The following VAV3 variants were observed in gnomAD, a reference collection of about 807,000 sequenced individuals.
VAV3 encodes the protein guanine nucleotide exchange factor VAV3.
VAV3 carries 94 observed loss-of-function variants against 131.2 expected under a neutral mutation model. That is an observed-to-expected ratio of 0.72 (90% CI 0.61 to 0.85). VAV3 has a LOEUF of 0.85. Among genes scored for constraint, VAV3 ranks in the 40% least tolerant of loss-of-function variants. The pLI, the probability that VAV3 is intolerant of heterozygous loss-of-function variation, is 0.00. For missense variants in VAV3, 939 were observed against 1,002.7 expected, an observed-to-expected ratio of 0.94 and a Z score of 0.86; for synonymous variants, 349 against 342.0, an observed-to-expected ratio of 1.02 and a Z score of -0.22.
intron 19 of VAV3, among the ~76,000 whole-genome samples, chr1:107,675,554 T>G (rs1161290026): frequency 2.6e-5 from 4 of 152,312 alleles, no homozygotes; most frequent in African/African-American, 9.6e-5. Flanking sequence ...AGATCTCTCC[T>G]TCTCTTTCTT....
rs775343339 is a variant in VAV3 at position 107,609,948 on chromosome 1, A to G, written c.1998T>C (p.Asp666=). ...ATACTTACCAGGGTTGGCAAGAATA[A>G]TCTACTGGTTTGGGCACCTAGGATA... ...KPCPCVPKPV[D]YSCQPWYAGA... The change falls in exon 22 of 27, where the codon GAT becomes GAC. Residue 666 remains aspartate, a synonymous_variant. Coordinates refer to ENST00000370056, the MANE Select transcript of VAV3 (RefSeq NM_006113.5). 6.2e-7 allele frequency: 1 copy of G among 1,613,694 alleles called. No homozygotes were observed. Among genetic ancestry groups the G allele is most frequent in the Non-Finnish European group, 8.5e-7 (1 of 1,179,692 alleles).
chr1:107,597,028 T>C (rs114849794), intron 24 of VAV3, among the ~76,000 whole-genome samples: 2,152 of 152,302 alleles, frequency 0.014, 54 homozygotes, highest in African/African-American at 0.049. Context: ...GTTGGTTTCA[T>C]AGATTCTGCA....
chr1:107,796,545 A>G (rs1329629551), intron 2 of VAV3, among the ~76,000 whole-genome samples: 3 of 152,134 alleles, frequency 2.0e-5, no homozygotes, highest in Non-Finnish European at 4.4e-5. Flanking sequence ...TTCCTACTAA[A>G]ATGTATAAAT....
intron 12 of VAV3, 61 bp downstream of exon 12, chr1:107,755,366 A>G (rs1040625916): frequency 3.2e-6 from 4 of 1,239,212 alleles, no homozygotes; most frequent in Non-Finnish European, 3.5e-6. Context: ...TTCAACAACA[A>G]CTCCTAGAAT....
At chr1:107,853,155 T>C (rs1669304144) in intron 2 of VAV3, among the ~76,000 whole-genome samples, 2 of 152,180 alleles carry the variant, frequency 1.3e-5, no homozygotes, top group Admixed American at 1.3e-4. Flanking sequence ...TCCATTTATG[T>C]ATTGATCTAG....
chr1:107,659,323 T>C (rs1656828899), intron 19 of VAV3, among the ~76,000 whole-genome samples: 1 of 152,134 alleles, frequency 6.6e-6, no homozygotes, highest in South Asian at 2.1e-4. Context: ...TTCAAAACTA[T>C]ACATAGGAAA....
chr1:107,876,654 T>C (rs1557896682), intron 1 of VAV3, among the ~76,000 whole-genome samples: 2 of 152,014 alleles, frequency 1.3e-5, no homozygotes. Flanking sequence ...ACTGACTACT[T>C]AAAAAAACAA....
chr1:107,573,436 C>A, intron 26 of VAV3, 64 bp from the exon 27 acceptor site: 1 of 1,596,282 alleles, frequency 6.3e-7, no homozygotes, highest in South Asian at 1.1e-5. Context: ...AAGGATTCTA[C>A]AAACAGAGTA....
chr1:107,944,117 C>T (rs1367790332), intron 1 of VAV3, among the ~76,000 whole-genome samples: 1 of 152,184 alleles, frequency 6.6e-6, no homozygotes, highest in African/African-American at 2.4e-5. Context: ...GAGTGAAAAA[C>T]CCAAGGAGCA....
At chr1:107,690,017 G>A (rs1192105289) in intron 17 of VAV3, among the ~76,000 whole-genome samples, 1 of 152,168 alleles carries the variant, frequency 6.6e-6, no homozygotes, top group Non-Finnish European at 1.5e-5. Context: ...AACAGTGGGA[G>A]CAGTTTAAGT....
At chr1:107,911,956 G>A (rs1335212004) in intron 1 of VAV3, among the ~76,000 whole-genome samples, 1 of 152,204 alleles carries the variant, frequency 6.6e-6, no homozygotes, top group East Asian at 1.9e-4. Context: ...AGATAAAGGT[G>A]TCAAGTGCCA....
chr1:107,726,820 C>T (rs556858488), intron 15 of VAV3, among the ~76,000 whole-genome samples: 11 of 152,276 alleles, frequency 7.2e-5, no homozygotes, highest in Non-Finnish European at 1.5e-4. Context: ...TTGAATTTTA[C>T]TGATGGTTTA....
intron 19 of VAV3, among the ~76,000 whole-genome samples, chr1:107,667,228 G>A (rs898902303): frequency 2.0e-5 from 3 of 152,176 alleles, no homozygotes; most frequent in Admixed American, 2.0e-4. Context: ...CTGTGCTAAT[G>A]TTCCACAATA....
At chr1:107,683,782 T>C (rs1570748366) in intron 18 of VAV3, among the ~76,000 whole-genome samples, 4 of 152,294 alleles carry the variant, frequency 2.6e-5, no homozygotes, top group Admixed American at 2.6e-4. Flanking sequence ...AAAAATCTTT[T>C]TGGTTGCCAA....
chr1:107,758,175 C>T (rs998454030), intron 10 of VAV3, among the ~76,000 whole-genome samples: 1 of 152,158 alleles, frequency 6.6e-6, no homozygotes, highest in Non-Finnish European at 1.5e-5. Flanking sequence ...TCTCCCTGTT[C>T]TCTCTCCCTC....
In VAV3 at chr1:107,678,823, T is replaced by C. The variant is rs1438472398; in HGVS notation, c.1777+4665A>G. On this transcript the variant is annotated intron_variant, in intron 19 of 26. Coordinates refer to ENST00000370056, the MANE Select transcript of VAV3 (RefSeq NM_006113.5). ...TTGTTTTGCTTTCTTGTATGTATTG[T>C]GTAATCCTAGATCTTTTTATATGTT... Among the ~76,000 whole-genome samples, 3 of 152,214 alleles carry C rather than the reference T, an allele frequency of 2.0e-5. No individual in the cohort carries two copies. The East Asian group carries it at 5.8e-4, about 29-fold the overall frequency.
Position 107,945,264 on chromosome 1 carries a change from C to T in VAV3, c.204+19402G>A, listed in dbSNP as rs529746516. ...AAAAAAACAAGATCTTATTTAATTA[C>T]AAGATACATTTGAATTTTTTAGAGG... On this transcript the variant is annotated intron_variant, in intron 1 of 26. Coordinates refer to ENST00000370056, the MANE Select transcript of VAV3 (RefSeq NM_006113.5). Among the ~76,000 whole-genome samples, 13 of 152,262 alleles carry T rather than the reference C, an allele frequency of 8.5e-5. No homozygotes were observed. In the East Asian group the frequency reaches 2.5e-3, roughly 29 times the overall value.
At chr1:107,679,333 T>C (rs1270877809) in intron 19 of VAV3, among the ~76,000 whole-genome samples, 2 of 152,182 alleles carry the variant, frequency 1.3e-5, no homozygotes, top group African/African-American at 4.8e-5. Flanking sequence ...AGGACTCTTA[T>C]CAATTTAATC....
chr1:107,939,236 T>A (rs969035042), intron 1 of VAV3, among the ~76,000 whole-genome samples: 1 of 152,210 alleles, frequency 6.6e-6, no homozygotes, highest in Non-Finnish European at 1.5e-5. Flanking sequence ...GACTAGAAAC[T>A]AAATCTCCTT....
Sources: gnomAD v4.1 joint callset for allele counts (sites outside exome capture counted in the v4.1 genomes callset) on GRCh38, gnomAD v4.1.1 for gene constraint, MANE v1.5 for transcripts, NCBI Gene and HGNC (gene_info 2026-07-23, HGNC 2026-07-21) for gene names.